Variants in LDLRAD1 observed in about 807,000 individuals in gnomAD.
LDLRAD1 encodes the protein low-density lipoprotein receptor class A domain-containing protein 1.
In LDLRAD1, 17 loss-of-function variants were observed where a neutral mutation model predicts 24.8. The ratio of observed to expected loss-of-function variants is 0.69; its 90% CI spans 0.47 to 1.03. LDLRAD1 has a LOEUF of 1.03. Ranked by LOEUF, LDLRAD1 falls within the 50% of genes least tolerant of loss-of-function variation. The pLI is 0.00. For synonymous variants in LDLRAD1, 103 were observed against 108.2 expected, an observed-to-expected ratio of 0.95 and a Z score of 0.30; for missense variants, 277 against 271.0, an observed-to-expected ratio of 1.02 and a Z score of -0.16.
intron 3 of LDLRAD1, among the ~76,000 whole-genome samples, chr1:54,013,139 C>T (rs1656133216): frequency 1.3e-5 from 2 of 151,686 alleles, no homozygotes; most frequent in Admixed American, 6.6e-5. Context: ...AACACATGCT[C>T]ACACACACAC....
At chr1:54,012,777 C>G (rs1444169089) in intron 3 of LDLRAD1, among the ~76,000 whole-genome samples, 1 of 152,122 alleles carries the variant, frequency 6.6e-6, no homozygotes, top group East Asian at 1.9e-4. Context: ...CTGGGCACAA[C>G]TGCAAAGCAC....
chr1:54,008,900 T>TCATTAAAAAA lies in LDLRAD1; in HGVS notation c.*81_*82insTTTTTTAATG. The stretch of plus-strand genomic sequence containing the variant: ...CCATTTCAAAGGCTGCTTCCTGCCC[T>TCATTAAAAAA]TGTGCGCTAGGATTTGATTTTCATG... On this transcript the variant is annotated 3_prime_UTR_variant, in exon 6 of 6. Transcript: ENST00000371360. 8.4e-7 allele frequency: 1 copy of TCATTAAAAAA among 1,191,232 alleles called. No individual in the cohort carries two copies. The highest frequency in any genetic ancestry group is 1.1e-6 in the Non-Finnish European group (1 of 892,126). The allele number at this position is 1,191,232 out of a possible 1,614,324, so 73.8% of individuals were successfully genotyped here.
In LDLRAD1 at chr1:54,018,175, A is replaced by G. The variant is rs762543942; in HGVS notation, c.-63T>C. 4.4e-5 allele frequency: 70 copies of G among 1,603,442 alleles called. No individual in the cohort carries two copies. The highest frequency in any genetic ancestry group is 5.6e-5 in the Non-Finnish European group (66 of 1,173,780). On this transcript the variant is annotated 5_prime_UTR_variant, in exon 1 of 6. An upstream start codon of the reference 5' UTR is lost. Transcript: ENST00000371360. Reference sequence around the variant, plus strand: ...AGAGAGCTCAGCACGGGTTCCCTGCATTGTCACCAAGGCCAACCTGGAGGA... The same window carrying G: ...AGAGAGCTCAGCACGGGTTCCCTGCGTTGTCACCAAGGCCAACCTGGAGGA...
rs142900519 is a variant in LDLRAD1 at position 54,012,161 on chromosome 1, C to T, written c.322G>A (p.Glu108Lys). 233 of 1,614,020 alleles carry T rather than the reference C, an allele frequency of 1.4e-4. No homozygotes were observed. The African/African-American group carries it at 1.5e-3, about 11-fold the overall frequency. The stretch of plus-strand genomic sequence containing the variant: ...TACTCACGGCACAAGCTCTCATCCT[C>T]GTCCTCGCCGTGGGTACAGGTGCGA... ...GVRTCTHGED[E>K]DESLCRDVPQ... is the part of the protein sequence containing the mutation. The change falls in exon 4 of 6, where the codon GAG becomes AAG. Residue 108 changes from glutamate (E) to lysine (K), a missense_variant. Coordinates refer to ENST00000371360, the MANE Select transcript of LDLRAD1 (RefSeq NM_001010978.4).
At chr1:54,017,313 C>T (rs1288394177) in intron 2 of LDLRAD1, 63 bp downstream of exon 2, 6 of 1,386,944 alleles carry the variant, frequency 4.3e-6, no homozygotes, top group East Asian at 2.5e-5. Flanking sequence ...ATGTCTCTAT[C>T]GCCAACTGCC....
chr1:54,017,085 T>G (rs372522983), intron 2 of LDLRAD1, among the ~76,000 whole-genome samples: 1 of 152,234 alleles, frequency 6.6e-6, no homozygotes, highest in Non-Finnish European at 1.5e-5. Context: ...TTGACGCTGG[T>G]GCTCTTTTCT....
At chr1:54,013,499 G>A (rs999287815) in intron 3 of LDLRAD1, among the ~76,000 whole-genome samples, 1 of 146,630 alleles carries the variant, frequency 6.8e-6, no homozygotes, top group Non-Finnish European at 1.5e-5. Context: ...CTCCCTTCTC[G>A]GTGCAGCCTG....
rs1398530567 is a variant in LDLRAD1, at chr1:54,007,864, C to A, written c.*1118G>T. The stretch of plus-strand genomic sequence containing the variant: ...CTGTATTTGGGTTCCAGTTCCAGCG[C>A]TGACTTTGCTCTATGATTCTGGACA... On this transcript the variant is annotated 3_prime_UTR_variant, in exon 6 of 6. Transcript: ENST00000371360. 3 of 152,250 alleles carry A rather than the reference C, an allele frequency of 2.0e-5. No homozygotes were observed. Among genetic ancestry groups the A allele is most frequent in the Non-Finnish European group, 2.9e-5 (2 of 68,096 alleles). 9.4% of individuals were successfully genotyped at this position (152,250 alleles called of 1,614,324 possible).
chr1:54,017,516 CTG>C, intron 1 of LDLRAD1, 89 bp from the exon 2 acceptor site: 1 of 1,091,964 alleles, frequency 9.2e-7, no homozygotes, highest in Non-Finnish European at 1.4e-6. Context: ...AGAGGGGTCA[CTG>C]AGAGAGTCTT....
At chr1:54,017,511 G>C (rs1656360427) in intron 1 of LDLRAD1, 84 bp from the exon 2 acceptor site, 2 of 1,189,288 alleles carry the variant, frequency 1.7e-6, no homozygotes, top group African/African-American at 1.5e-5. Context: ...TTTTCAGAGG[G>C]GTCACTGAGA....
chr1:54,008,710 T>A lies in LDLRAD1; in HGVS notation c.*272A>T. 2.7e-6 allele frequency: 1 copy of A among 366,272 alleles called. No homozygotes were observed. The highest frequency in any genetic ancestry group is 3.2e-5 in the South Asian group (1 of 31,058). The allele number at this position is 366,272 out of a possible 1,614,324, so 22.7% of individuals were successfully genotyped here. On this transcript the variant is annotated 3_prime_UTR_variant, in exon 6 of 6. Coordinates refer to ENST00000371360, the MANE Select transcript of LDLRAD1 (RefSeq NM_001010978.4). ...GACTATAGGTGTGCACCGCCATGCCTGGCTAATTTTTGTATTTTTGGTAGA... is the reference window on the plus strand; with the variant it reads ...GACTATAGGTGTGCACCGCCATGCCAGGCTAATTTTTGTATTTTTGGTAGA...
chr1:54,012,565 A>G (rs1166543486), intron 3 of LDLRAD1, among the ~76,000 whole-genome samples: 1 of 152,190 alleles, frequency 6.6e-6, no homozygotes. Context: ...CTCTGTGAAG[A>G]AACATAGAAC....
rs1188560727 is a variant in LDLRAD1, at chr1:54,012,289, G to A, written c.203-9C>T. 1 of 1,613,998 alleles carries A rather than the reference G, an allele frequency of 6.2e-7. No homozygotes were observed. The highest frequency in any genetic ancestry group is 1.7e-5 in the Admixed American group (1 of 60,018). The stretch of plus-strand genomic sequence containing the variant: ...TATACAAGCTTGGGCTCCTGAATGG[G>A]CAGGGAAAGGCCCTGGAGGGTCAAG... On this transcript the variant is annotated splice_polypyrimidine_tract_variant and intron_variant, in intron 3 of 5. Transcript: ENST00000371360.
At chr1:54,013,293 C>A (rs957995857) in intron 3 of LDLRAD1, among the ~76,000 whole-genome samples, 5 of 152,148 alleles carry the variant, frequency 3.3e-5, no homozygotes, top group Non-Finnish European at 7.4e-5. Context: ...CTCTTGACTG[C>A]AGCTGCTCAT....
At chr1:54,010,594 C>T (rs992875459) in intron 4 of LDLRAD1, among the ~76,000 whole-genome samples, 184 bp from the exon 5 acceptor site, 3 of 151,956 alleles carry the variant, frequency 2.0e-5, no homozygotes, top group African/African-American at 7.3e-5. Context: ...AGGAGAGCTC[C>T]GTTGCTGGAC....
chr1:54,017,467 G>A, intron 1 of LDLRAD1, 40 bp from the exon 2 acceptor site: 2 of 1,551,934 alleles, frequency 1.3e-6, no homozygotes, highest in East Asian at 4.6e-5. Flanking sequence ...CTTAGGTGAG[G>A]TGAGCTCCAG....
Position 54,016,239 on chromosome 1 carries a change from A to G in LDLRAD1, c.73+1137T>C, listed in dbSNP as rs528601410. Among the ~76,000 whole-genome samples the G allele has an allele frequency of 8.8e-4, 134 of 152,200 alleles. 1 individual carries two copies. The highest frequency in any genetic ancestry group is 3.1e-3 in the African/African-American group (130 of 41,504). On this transcript the variant is annotated intron_variant, in intron 2 of 5. Transcript: ENST00000371360. ...AGATGGATGTGTATTGGGAGGGGAG[A>G]CAATAGCAGGAGAGGCAGCATAAAT...
At chr1:54,013,282 G>A (rs1656140633) in intron 3 of LDLRAD1, among the ~76,000 whole-genome samples, 1 of 152,122 alleles carries the variant, frequency 6.6e-6, no homozygotes, top group Admixed American at 6.5e-5. Flanking sequence ...GTGCACACAG[G>A]CTCTTGACTG....
At position 54,010,546 on chromosome 1, in the gene LDLRAD1, C is replaced by T. The variant is rs1183019048; in HGVS notation, c.341-136G>A. On this transcript the variant is annotated intron_variant, in intron 4 of 5. Coordinates refer to ENST00000371360, the MANE Select transcript of LDLRAD1 (RefSeq NM_001010978.4). ...CCCATCCAGCCCAGAAGGGTGCAAG[C>T]AGAAGGTTTCCTGGGGAGGTGGTGG... 1.0e-5 allele frequency: 8 copies of T among 798,072 alleles called. No homozygotes were observed. The East Asian group carries it at 1.9e-4, about 19-fold the overall frequency. 49.4% of individuals were successfully genotyped at this position (798,072 alleles called of 1,614,324 possible).
Sources: gnomAD v4.1 joint callset for allele counts (sites outside exome capture counted in the v4.1 genomes callset) on GRCh38, gnomAD v4.1.1 for gene constraint, MANE v1.5 for transcripts, NCBI Gene and HGNC (gene_info 2026-07-23, HGNC 2026-07-21) for gene names.